Variants in PDE7A observed in about 807,000 individuals in gnomAD.
PDE7A encodes phosphodiesterase 7A, also known as high affinity 3',5'-cyclic-AMP phosphodiesterase 7A.
A neutral mutation model predicts 64.3 loss-of-function variants in PDE7A; 39 were observed. The observed-to-expected ratio is 0.61, with a 90% CI of 0.47 to 0.79. PDE7A has a LOEUF of 0.79. Ranked by LOEUF, PDE7A falls within the 30% of genes least tolerant of loss-of-function variation. The pLI is 0.00. For missense variants in PDE7A, 470 were observed against 582.8 expected (o/e 0.81, Z 1.99); for synonymous variants, 203 against 206.8 (o/e 0.98, Z 0.16).
intron 1 of PDE7A, among the ~76,000 whole-genome samples, chr8:65,831,462 T>G (rs2128934473): frequency 6.6e-6 from 1 of 152,262 alleles, no homozygotes; most frequent in South Asian, 2.1e-4. Context: ...AGGACCTAAC[T>G]CCTAACTTTC....
intron 1 of PDE7A, among the ~76,000 whole-genome samples, chr8:65,785,192 A>T (rs1383762347): frequency 6.6e-6 from 1 of 152,166 alleles, no homozygotes; most frequent in African/African-American, 2.4e-5. Context: ...CAAAAATTTC[A>T]AACAAAGATA....
chr8:65,744,623 A>G (rs1275655836), intron 5 of PDE7A, among the ~76,000 whole-genome samples: 1 of 152,160 alleles, frequency 6.6e-6, no homozygotes, highest in African/African-American at 2.4e-5. Flanking sequence ...CCCATTCCCT[A>G]TCTGAAAGCA....
At chr8:65,821,198 T>C (rs975746138) in intron 1 of PDE7A, among the ~76,000 whole-genome samples, 6 of 151,318 alleles carry the variant, frequency 4.0e-5, no homozygotes, top group Non-Finnish European at 8.9e-5. Flanking sequence ...AAACCCTTTT[T>C]TCATATTTGT....
chr8:65,823,250 A>G (rs926376144), intron 1 of PDE7A, among the ~76,000 whole-genome samples: 25 of 152,182 alleles, frequency 1.6e-4, no homozygotes, highest in Non-Finnish European at 3.2e-4. Flanking sequence ...TCACTTCCAC[A>G]AAGTTTTTCT....
intron 3 of PDE7A, among the ~76,000 whole-genome samples, chr8:65,776,603 T>C (rs953964300): frequency 2.6e-5 from 4 of 152,208 alleles, no homozygotes; most frequent in African/African-American, 7.2e-5. Context: ...CAGTTTTCTA[T>C]GTAGAGTTAT....
intron 6 of PDE7A, among the ~76,000 whole-genome samples, chr8:65,739,080 T>C (rs1318373167): frequency 6.6e-6 from 1 of 152,264 alleles, no homozygotes; most frequent in East Asian, 1.9e-4. Flanking sequence ...ATCAGCTCTC[T>C]CGGAAACCTG....
At chr8:65,818,489 C>T (rs1163533574) in intron 1 of PDE7A, among the ~76,000 whole-genome samples, 1 of 151,894 alleles carries the variant, frequency 6.6e-6, no homozygotes, top group Non-Finnish European at 1.5e-5. Flanking sequence ...CCTAGTTGTC[C>T]CTTTGCACAA....
chr8:65,797,657 T>A (rs1809875900), intron 1 of PDE7A, among the ~76,000 whole-genome samples: 1 of 152,334 alleles, frequency 6.6e-6, no homozygotes, highest in South Asian at 2.1e-4. Context: ...TTTCCCTTAA[T>A]TGTTCCATAA....
At chr8:65,814,510 CAAAAAA>C (rs140450405) in intron 1 of PDE7A, among the ~76,000 whole-genome samples, 10 of 71,038 alleles carry the variant, frequency 1.4e-4, no homozygotes, top group East Asian at 4.6e-4. Flanking sequence ...GACTCCGTCT[CAAAAAA>C]AAAAAAAAAA....
At chr8:65,826,390 C>G (rs1347122335) in intron 1 of PDE7A, among the ~76,000 whole-genome samples, 1 of 152,174 alleles carries the variant, frequency 6.6e-6, no homozygotes, top group African/African-American at 2.4e-5. Context: ...AAACAGAATT[C>G]CTATGGAGGC....
intron 6 of PDE7A, among the ~76,000 whole-genome samples, chr8:65,736,977 G>A (rs1807167511): frequency 6.7e-6 from 1 of 149,492 alleles, no homozygotes; most frequent in Non-Finnish European, 1.5e-5. Context: ...CCACCTCCCA[G>A]GTTCAAGTGA....
chr8:65,785,620 G>A lies in PDE7A; in HGVS notation c.139-2777C>T, dbSNP rs575603272. On this transcript the variant is annotated intron_variant, in intron 1 of 12. Coordinates refer to ENST00000401827, the MANE Select transcript of PDE7A (RefSeq NM_001242318.3). ...CTCTCCTCAATACCACCAATCTAGG[G>A]GTAAACCTAGTAGCCTAGGAAGGGC... Among the ~76,000 whole-genome samples the A allele has an allele frequency of 2.1e-3, 313 of 152,028 alleles. 1 individual carries two copies. The highest frequency in any genetic ancestry group is 7.2e-3 in the African/African-American group (298 of 41,450).
At chr8:65,761,110 A>G (rs1808473377) in intron 3 of PDE7A, among the ~76,000 whole-genome samples, 2 of 151,324 alleles carry the variant, frequency 1.3e-5, no homozygotes, top group Admixed American at 1.3e-4. Flanking sequence ...CGTAGGCTAG[A>G]GTGCAGTGGC....
At chr8:65,787,846 A>G (rs1809603406) in intron 1 of PDE7A, among the ~76,000 whole-genome samples, 1 of 152,180 alleles carries the variant, frequency 6.6e-6, no homozygotes, top group Non-Finnish European at 1.5e-5. Context: ...CATTATTAAC[A>G]TTAACTTGAC....
intron 1 of PDE7A, among the ~76,000 whole-genome samples, chr8:65,804,089 A>G (rs77574065): frequency 0.042 from 6,436 of 152,290 alleles, 459 homozygotes; most frequent in African/African-American, 0.14. Flanking sequence ...GACACAGCAA[A>G]GAACATACAA....
intron 1 of PDE7A, among the ~76,000 whole-genome samples, chr8:65,806,432 T>C (rs1310800997): frequency 6.6e-6 from 1 of 152,078 alleles, no homozygotes; most frequent in Non-Finnish European, 1.5e-5. Flanking sequence ...GGAATTAGAG[T>C]AGTAAAGGTT....
At chr8:65,794,284 G>C (rs1809779097) in intron 1 of PDE7A, among the ~76,000 whole-genome samples, 1 of 151,906 alleles carries the variant, frequency 6.6e-6, no homozygotes, top group Non-Finnish European at 1.5e-5. Flanking sequence ...GTTATCAAAG[G>C]CTCCTCAATG....
At chr8:65,731,986 ATTGTTGTTG>A (rs59755336) in intron 7 of PDE7A, among the ~76,000 whole-genome samples, 23 of 138,666 alleles carry the variant, frequency 1.7e-4, no homozygotes, top group African/African-American at 4.7e-4. Context: ...TATTATTATT[ATTGTTGTTG>A]TTGTTGTTGT....
Position 65,723,621 on chromosome 8 carries a change from C to A in PDE7A, c.1163G>T (p.Gly388Val). 6.5e-7 allele frequency: 1 copy of A among 1,540,688 alleles called. No homozygotes were observed. Among genetic ancestry groups the A allele is most frequent in the Non-Finnish European group, 8.7e-7 (1 of 1,146,712 alleles). The change falls in exon 12 of 13, where the codon GGA (glycine) becomes GTA (valine). Residue 388 changes from glycine (G) to valine (V), a missense_variant and splice_region_variant. Transcript: ENST00000401827. Reference protein sequence around the residue: ...EKVTEEFFHQGDIEKKYHLGV... With the variant: ...EKVTEEFFHQVDIEKKYHLGV... ...CAAATGATATTTTTTTTCTATATCT[C>A]CTATAAATTAAAAAAAGAGAAGTAT...
Sources: allele counts gnomAD v4.1 joint callset (sites outside exome capture counted in the v4.1 genomes callset), GRCh38; gene constraint gnomAD v4.1.1; transcripts MANE v1.5; gene names NCBI Gene and HGNC (gene_info 2026-07-23, HGNC 2026-07-21).